TMEM62: variants seen among roughly 807,000 people sequenced by gnomAD.
TMEM62 encodes transmembrane protein 62.
Under a neutral mutation model 70.4 loss-of-function variants are expected in TMEM62, and 41 were observed. The observed-to-expected ratio is 0.58, with a 90% CI of 0.45 to 0.76. The LOEUF (loss-of-function observed/expected upper bound fraction) is 0.76. Among genes scored for constraint, TMEM62 ranks in the 30% least tolerant of loss-of-function variants. The probability of loss-of-function intolerance (pLI) is 0.00; values close to 1 mark genes in which losing one functional copy is unlikely to be tolerated. For synonymous variants in TMEM62, 268 were observed against 291.0 expected (o/e 0.92, Z 0.80); for missense variants, 688 against 788.5 (o/e 0.87, Z 1.53).
At chr15:43,136,357 T>C (rs551562989) in intron 3 of TMEM62, among the ~76,000 whole-genome samples, 64 of 152,324 alleles carry the variant, frequency 4.2e-4, no homozygotes, top group East Asian at 1.2e-3. Flanking sequence ...TCAAAATCCA[T>C]AGAACTGTAA....
chr15:43,154,612 T>C, intron 8 of TMEM62, 60 bp from the exon 9 acceptor site: 1 of 1,489,198 alleles, frequency 6.7e-7, no homozygotes, highest in Non-Finnish European at 9.1e-7. Context: ...AAGGTTATTC[T>C]CCTTTGCAAA....
At chr15:43,182,830 C>A (rs1326511010) in intron 13 of TMEM62, among the ~76,000 whole-genome samples, 1 of 152,154 alleles carries the variant, frequency 6.6e-6, no homozygotes, top group East Asian at 1.9e-4. Context: ...CTGAGCCTTA[C>A]CAAAAGGCAG....
intron 4 of TMEM62, among the ~76,000 whole-genome samples, 165 bp downstream of exon 4, chr15:43,138,784 C>T (rs1292769119): frequency 6.6e-6 from 1 of 152,184 alleles, no homozygotes; most frequent in Non-Finnish European, 1.5e-5. Flanking sequence ...GATCCTCCTG[C>T]CTCAGACTCC....
intron 9 of TMEM62, among the ~76,000 whole-genome samples, chr15:43,158,676 C>T (rs1489040550): frequency 5.3e-5 from 8 of 152,072 alleles, no homozygotes; most frequent in Non-Finnish European, 1.5e-5. Flanking sequence ...TTAATTAGAA[C>T]AGTCCTATGA....
Position 43,178,676 on chromosome 15 carries a change from A to G in TMEM62, c.1451A>G (p.Tyr484Cys). 1 of 1,612,716 alleles carries G rather than the reference A, an allele frequency of 6.2e-7. No individual in the cohort carries two copies. Among genetic ancestry groups the G allele is most frequent in the Non-Finnish European group, 8.5e-7 (1 of 1,178,994 alleles). The change falls in exon 12 of 14, where the codon TAT (tyrosine) becomes TGT (cysteine). Residue 484 changes from tyrosine (Y) to cysteine (C), a missense_variant. By Grantham distance (194) the Tyr-to-Cys change is radical. Transcript: ENST00000260403. The part of the protein sequence containing the change: ...HVLSKINIFY[Y>C]SVLLLTLYTV... ...TTGAGCAAAATAAACATCTTCTACTATTCTGTGTTGTTGTTGACCCTGTAT... is the reference window on the plus strand; with the variant it reads ...TTGAGCAAAATAAACATCTTCTACTGTTCTGTGTTGTTGTTGACCCTGTAT...
At chr15:43,163,824 A>G (rs577862202) in intron 10 of TMEM62, among the ~76,000 whole-genome samples, 2 of 152,280 alleles carry the variant, frequency 1.3e-5, no homozygotes, top group Admixed American at 6.5e-5. Context: ...TGGTTTAGCA[A>G]TTCTGAGAAG....
chr15:43,167,587 C>A (rs1379293747), intron 10 of TMEM62, among the ~76,000 whole-genome samples: 9 of 151,378 alleles, frequency 5.9e-5, no homozygotes, highest in Admixed American at 2.6e-4. Context: ...AGAGGCGCTC[C>A]TCACTTTCTA....
intron 7 of TMEM62, among the ~76,000 whole-genome samples, chr15:43,150,993 C>A (rs1033495207): frequency 2.0e-5 from 3 of 152,064 alleles, no homozygotes; most frequent in Non-Finnish European, 4.4e-5. Flanking sequence ...ATATTTTATA[C>A]CTTTTGTTAT....
chr15:43,172,788 A>C (rs556032687), intron 11 of TMEM62, among the ~76,000 whole-genome samples: 1 of 152,324 alleles, frequency 6.6e-6, no homozygotes, highest in Non-Finnish European at 1.5e-5. Flanking sequence ...AAAAATATAT[A>C]CATATACTGA....
intron 5 of TMEM62, among the ~76,000 whole-genome samples, chr15:43,147,296 CTA>C (rs914300985): frequency 6.6e-6 from 1 of 152,186 alleles, no homozygotes; most frequent in African/African-American, 2.4e-5. Context: ...AGAAGGATGA[CTA>C]TTGAAATCAA....
At chr15:43,145,203 ATTT>A (rs201610622) in intron 4 of TMEM62, among the ~76,000 whole-genome samples, 21 of 85,744 alleles carry the variant, frequency 2.4e-4, no homozygotes, top group African/African-American at 5.4e-4. Flanking sequence ...CTGAAATAGA[ATTT>A]TTTTTTTTTT....
rs548764328 is a variant in TMEM62 at position 43,152,302 on chromosome 15, T to C, written c.1022+357T>C. ...AATTTGCATTATATATCAAATTTTT[T>C]TTCATTTGTTATGTAGCCTTCTAAG... On this transcript the variant is annotated intron_variant, in intron 8 of 13. Coordinates refer to ENST00000260403, the MANE Select transcript of TMEM62 (RefSeq NM_024956.4). Among the ~76,000 whole-genome samples the C allele has an allele frequency of 2.0e-5, 3 of 152,346 alleles. No homozygotes were observed. In the South Asian group the frequency reaches 6.2e-4, roughly 32 times the overall value.
chr15:43,148,759 A>C lies in TMEM62; in HGVS notation c.623A>C (p.Lys208Thr), dbSNP rs772729775. The C allele has an allele frequency of 5.9e-5, 95 of 1,612,322 alleles. No individual in the cohort carries two copies. Among genetic ancestry groups the C allele is most frequent in the Non-Finnish European group, 7.5e-5 (88 of 1,179,610 alleles). ...YNFFGILDKK[K>T]MEELLLLAKE... ...TCCATTTTTCTCCCATCTCAGAAAA[A>C]GATGGAGGAGCTCTTATTACTGGCC... is the stretch of plus-strand genomic sequence containing the variant. The change falls in exon 6 of 14, where the codon AAG becomes ACG. Residue 208 changes from lysine to threonine, a missense_variant. Lys to Thr is a moderately conservative substitution (Grantham distance 78). Coordinates refer to ENST00000260403, the MANE Select transcript of TMEM62 (RefSeq NM_024956.4).
chr15:43,154,153 A>G (rs897906990), intron 8 of TMEM62, among the ~76,000 whole-genome samples: 7 of 152,242 alleles, frequency 4.6e-5, no homozygotes, highest in Non-Finnish European at 7.3e-5. Flanking sequence ...GAAATGGAAC[A>G]CACATGTGTC....
chr15:43,169,667 A>G lies in TMEM62; in HGVS notation c.1371A>G (p.Pro457=). Residue 457 remains proline (P), a synonymous_variant, in exon 11 of 14, where the codon CCA becomes CCG. Coordinates refer to ENST00000260403, the MANE Select transcript of TMEM62 (RefSeq NM_024956.4). ...TTATTTTTAGATATCGAGGATACCC[A>G]GAGCTTAAAGGTTAGTTATGGTTCC... The part of the protein sequence containing the change: ...ILIIFRYRGY[P]ELKEPSGFIN... The G allele has an allele frequency of 6.2e-7, 1 of 1,613,882 alleles. No homozygotes were observed. Among genetic ancestry groups the G allele is most frequent in the African/African-American group, 1.3e-5 (1 of 75,042 alleles).
intron 11 of TMEM62, among the ~76,000 whole-genome samples, chr15:43,178,259 A>T (rs1313669193): frequency 6.6e-6 from 1 of 151,986 alleles, no homozygotes; most frequent in Non-Finnish European, 1.5e-5. Flanking sequence ...AGGTGTGTCC[A>T]TTGCTTTCAG....
intron 2 of TMEM62, 65 bp from the exon 3 acceptor site, chr15:43,135,447 T>TA (rs1168934796): frequency 2.1e-5 from 32 of 1,503,330 alleles, no homozygotes; most frequent in East Asian, 9.2e-5. Flanking sequence ...TGTACATATC[T>TA]AAAAAAAATG....
At chr15:43,146,229 T>C in intron 4 of TMEM62, 1 of 307,342 alleles carries the variant, frequency 3.3e-6, no homozygotes, top group Non-Finnish European at 6.0e-6. Context: ...GAACATTTAA[T>C]GGACTCCCTA....
chr15:43,181,086 A>C (rs2041285442), intron 12 of TMEM62, 95 bp from the exon 13 acceptor site: 2 of 829,420 alleles, frequency 2.4e-6, no homozygotes, highest in African/African-American at 3.4e-5. Context: ...CTAGTCTCAT[A>C]TCTCTGCTTT....
Sources: gnomAD v4.1 joint callset for allele counts (sites outside exome capture counted in the v4.1 genomes callset) on GRCh38, gnomAD v4.1.1 for gene constraint, MANE v1.5 for transcripts, NCBI Gene and HGNC (gene_info 2026-07-23, HGNC 2026-07-21) for gene names.